RBM6: variants seen among roughly 807,000 people sequenced by gnomAD.
RBM6 encodes RNA binding motif protein 6.
A neutral mutation model predicts 140.4 loss-of-function variants in RBM6; 23 were observed. The observed-to-expected ratio is 0.16, with a 90% CI of 0.12 to 0.23. The LOEUF (loss-of-function observed/expected upper bound fraction) is 0.23. RBM6 is among the 10% of genes least tolerant of loss of function. The pLI, the probability that RBM6 is intolerant of heterozygous loss-of-function variation, is 1.00. For missense variants in RBM6, 1,139 were observed against 1,386.7 expected (o/e 0.82, Z 2.84); for synonymous variants, 439 against 475.6 (o/e 0.92, Z 1.00).
intron 1 of RBM6, among the ~76,000 whole-genome samples, chr3:49,944,522 C>T (rs1009178657): frequency 3.4e-5 from 5 of 147,598 alleles, no homozygotes; most frequent in Non-Finnish European, 7.4e-5. Flanking sequence ...GTCACCCAGG[C>T]TGGAGTGCAG....
At chr3:50,034,171 A>G (rs2088364670) in intron 6 of RBM6, among the ~76,000 whole-genome samples, 2 of 148,050 alleles carry the variant, frequency 1.4e-5, no homozygotes, top group African/African-American at 5.0e-5. Flanking sequence ...TTTAGTAGAG[A>G]CAAGGTTTCA....
chr3:50,034,865 A>G (rs2088415701), intron 6 of RBM6, among the ~76,000 whole-genome samples: 1 of 152,206 alleles, frequency 6.6e-6, no homozygotes, highest in Non-Finnish European at 1.5e-5. Flanking sequence ...AAGGAACAGT[A>G]CTGATATATC....
chr3:50,026,657 A>T lies in RBM6; in HGVS notation c.1558-21588A>T, dbSNP rs573264929. Among the ~76,000 whole-genome samples, 55 of 151,970 alleles carry T rather than the reference A, an allele frequency of 3.6e-4. No homozygotes were observed. The South Asian group carries it at 0.01, about 29-fold the overall frequency. On this transcript the variant is annotated intron_variant, in intron 6 of 20. Transcript: ENST00000266022. ...CTCAAAAAAAAAAAAAAGAAAAAAAAATATAGGACTTTGGGAGGCCGAGGC... is the reference window on the plus strand; with the variant it reads ...CTCAAAAAAAAAAAAAAGAAAAAAATATATAGGACTTTGGGAGGCCGAGGC...
chr3:50,048,133 C>T, intron 6 of RBM6, 112 bp from the exon 7 acceptor site: 1 of 1,493,010 alleles, frequency 6.7e-7, no homozygotes. Flanking sequence ...GAATTAAGCT[C>T]ACTCTTTATA....
At chr3:50,061,664 T>C in intron 14 of RBM6, 117 bp downstream of exon 14, 1 of 1,487,002 alleles carries the variant, frequency 6.7e-7, no homozygotes, top group African/African-American at 1.4e-5. Context: ...CTCTGGATGC[T>C]CATTGCATGA....
At chr3:50,023,645 A>G (rs12629677) in intron 6 of RBM6, among the ~76,000 whole-genome samples, 11,521 of 144,584 alleles carry the variant, frequency 0.08, 506 homozygotes, top group African/African-American at 0.1. Flanking sequence ...CACAAATAAA[A>G]TGTTTGGTGA....
At chr3:50,056,238 C>A (rs918623337) in intron 8 of RBM6, among the ~76,000 whole-genome samples, 1 of 151,916 alleles carries the variant, frequency 6.6e-6, no homozygotes, top group Non-Finnish European at 1.5e-5. Flanking sequence ...TTTTTCCCCC[C>A]ACAAGAAACA....
chr3:49,982,246 G>A (rs1284999375), intron 5 of RBM6, among the ~76,000 whole-genome samples: 1 of 135,014 alleles, frequency 7.4e-6, no homozygotes, highest in Non-Finnish European at 1.6e-5. Flanking sequence ...TGTACCTTCT[G>A]CATTTCTTTT....
intron 6 of RBM6, among the ~76,000 whole-genome samples, chr3:50,033,798 C>T (rs1202739383): frequency 3.3e-5 from 5 of 152,062 alleles, no homozygotes; most frequent in Admixed American, 6.6e-5. Context: ...CATACCACCA[C>T]GCCCAGCTAA....
At chr3:50,025,874 A>T (rs942912670) in intron 6 of RBM6, among the ~76,000 whole-genome samples, 15 of 152,022 alleles carry the variant, frequency 9.9e-5, no homozygotes, top group African/African-American at 3.4e-4. Context: ...AATATATAAG[A>T]CTAATTGATA....
intron 8 of RBM6, among the ~76,000 whole-genome samples, chr3:50,055,749 G>A (rs1038354332): frequency 1.3e-5 from 2 of 152,172 alleles, no homozygotes; most frequent in Non-Finnish European, 1.5e-5. Flanking sequence ...AAAAACATTT[G>A]TTAAAATAAC....
chr3:49,949,710 T>C (rs1361088831), intron 1 of RBM6, among the ~76,000 whole-genome samples: 3 of 152,122 alleles, frequency 2.0e-5, no homozygotes, highest in Non-Finnish European at 2.9e-5. Flanking sequence ...AGAAAAGGTT[T>C]CACCGTCTTT....
At chr3:49,955,160 CTTTT>C (rs869272546) in intron 1 of RBM6, among the ~76,000 whole-genome samples, 5 of 72,712 alleles carry the variant, frequency 6.9e-5, no homozygotes, top group African/African-American at 2.3e-4. Flanking sequence ...TTTTTTCTTT[CTTTT>C]TTTTTTTTTT....
intron 6 of RBM6, among the ~76,000 whole-genome samples, chr3:50,025,424 A>G (rs1425538827): frequency 6.6e-6 from 1 of 151,524 alleles, no homozygotes; most frequent in Non-Finnish European, 1.5e-5. Flanking sequence ...CTCTATCTCA[A>G]AAAAGAAAAC....
intron 6 of RBM6, among the ~76,000 whole-genome samples, chr3:50,028,523 G>C (rs188742982): frequency 1.3e-5 from 2 of 152,246 alleles, no homozygotes; most frequent in Non-Finnish European, 2.9e-5. Context: ...GGCTCTTCCT[G>C]TGTACTTGGA....
At chr3:50,018,591 T>G (rs898994528) in intron 6 of RBM6, among the ~76,000 whole-genome samples, 3 of 130,458 alleles carry the variant, frequency 2.3e-5, no homozygotes, top group South Asian at 5.6e-4. Flanking sequence ...GTTTTTTTTT[T>G]TTTTTTTTTT....
At chr3:49,968,845 A>G in intron 3 of RBM6, 97 bp downstream of exon 3, 2 of 1,342,524 alleles carry the variant, frequency 1.5e-6, no homozygotes, top group Non-Finnish European at 1.9e-6. Context: ...CAGTGGTGCG[A>G]TCTCTGCTCA....
intron 7 of RBM6, among the ~76,000 whole-genome samples, chr3:50,052,999 G>C (rs1350405433): frequency 7.2e-6 from 1 of 139,196 alleles, no homozygotes; most frequent in Non-Finnish European, 1.5e-5. Context: ...GTGTGTGTGT[G>C]TGTGTGTGTG....
chr3:50,070,217 T>C (rs1464656281), intron 18 of RBM6, among the ~76,000 whole-genome samples: 1 of 152,016 alleles, frequency 6.6e-6, no homozygotes, highest in Non-Finnish European at 1.5e-5. Flanking sequence ...TAGCTGGGCA[T>C]TGTGGCACTC....
Sources: gnomAD v4.1 joint callset for allele counts (sites outside exome capture counted in the v4.1 genomes callset) on GRCh38, gnomAD v4.1.1 for gene constraint, MANE v1.5 for transcripts, NCBI Gene and HGNC (gene_info 2026-07-23, HGNC 2026-07-21) for gene names.